The following C16orf74 variants were observed in gnomAD, a reference collection of about 807,000 sequenced individuals.
C16orf74 encodes calcimembrin.
A neutral mutation model predicts 6.5 loss-of-function variants in C16orf74; 10 were observed. The ratio of observed to expected loss-of-function variants is 1.54; its 90% CI spans 0.95 to 2.61. C16orf74 has a LOEUF of 2.61. Ranked by LOEUF, C16orf74 falls within the 30% of genes most tolerant of loss-of-function variation. C16orf74 has a pLI of 0.00. For synonymous variants in C16orf74, 60 were observed against 42.5 expected (o/e 1.41, Z -1.60); for missense variants, 141 against 105.9 (o/e 1.33, Z -1.45).
intron 2 of C16orf74, among the ~76,000 whole-genome samples, chr16:85,718,504 C>T (rs975085685): frequency 1.3e-5 from 2 of 152,190 alleles, no homozygotes; most frequent in African/African-American, 2.4e-5. Context: ...ATGCGATGGA[C>T]GGCCAGACGG....
chr16:85,729,753 G>C (rs2054169045), intron 2 of C16orf74, among the ~76,000 whole-genome samples: 1 of 152,204 alleles, frequency 6.6e-6, no homozygotes, highest in African/African-American at 2.4e-5. Flanking sequence ...AACATGAAGA[G>C]AGGAAGGCCA....
At chr16:85,722,979 A>G (rs2054097640) in intron 2 of C16orf74, among the ~76,000 whole-genome samples, 3 of 152,196 alleles carry the variant, frequency 2.0e-5, no homozygotes, top group Admixed American at 2.0e-4. Flanking sequence ...AAGATCACAC[A>G]GCTAATTTCA....
Position 85,707,817 on chromosome 16 carries a change from G to A in C16orf74, c.*191C>T. The A allele has an allele frequency of 1.7e-6, 1 of 594,266 alleles. No individual in the cohort carries two copies. Among genetic ancestry groups the A allele is most frequent in the Non-Finnish European group, 3.0e-6 (1 of 334,424 alleles). 36.8% of individuals were successfully genotyped at this position (594,266 alleles called of 1,614,324 possible). Reference sequence around the variant, plus strand: ...GGTCCGGTCCACTCAGCGGGGCCTGGGAAACACTGTTCTGGAAGTGGACAG... The same window carrying A: ...GGTCCGGTCCACTCAGCGGGGCCTGAGAAACACTGTTCTGGAAGTGGACAG... On this transcript the variant is annotated 3_prime_UTR_variant, in exon 4 of 4. Transcript: ENST00000284245.
chr16:85,737,658 C>A (rs930230566), intron 1 of C16orf74, among the ~76,000 whole-genome samples: 1 of 152,142 alleles, frequency 6.6e-6, no homozygotes, highest in African/African-American at 2.4e-5. Context: ...GGTGAAACCC[C>A]ATCGCTACTA....
intron 1 of C16orf74, among the ~76,000 whole-genome samples, chr16:85,742,610 C>T (rs75020858): frequency 0.18 from 27,369 of 152,024 alleles, 2,806 homozygotes; most frequent in Middle Eastern, 0.3. Context: ...GGTGCGATCT[C>T]GGCTCACTGC....
intron 2 of C16orf74, among the ~76,000 whole-genome samples, chr16:85,729,598 T>G (rs1323910657): frequency 6.6e-6 from 1 of 152,198 alleles, no homozygotes; most frequent in South Asian, 2.1e-4. Context: ...CCTCAGAATA[T>G]GACCTTATTT....
At chr16:85,724,635 AATGACGGGG>A (rs1266428837) in intron 2 of C16orf74, among the ~76,000 whole-genome samples, 4 of 152,166 alleles carry the variant, frequency 2.6e-5, no homozygotes, top group East Asian at 3.9e-4. Context: ...GGATGATGGG[AATGACGGGG>A]ATGACGGGGA....
chr16:85,728,929 T>C (rs1037600933), intron 2 of C16orf74, among the ~76,000 whole-genome samples: 6 of 152,174 alleles, frequency 3.9e-5, no homozygotes, highest in Non-Finnish European at 7.4e-5. Context: ...GGAGGATGTG[T>C]TGAAAACCCT....
intron 1 of C16orf74, among the ~76,000 whole-genome samples, chr16:85,749,908 C>T (rs938839459): frequency 1.3e-5 from 2 of 152,220 alleles, no homozygotes; most frequent in South Asian, 4.1e-4. Context: ...CATAAATACA[C>T]GGCCTCCTCC....
At chr16:85,735,641 G>C (rs1379206377) in intron 1 of C16orf74, among the ~76,000 whole-genome samples, 3 of 151,928 alleles carry the variant, frequency 2.0e-5, no homozygotes, top group African/African-American at 7.3e-5. Flanking sequence ...GGGCTCGGGG[G>C]TGGCCCAGAG....
chr16:85,717,849 T>C (rs1029076057), intron 2 of C16orf74, among the ~76,000 whole-genome samples: 10 of 152,178 alleles, frequency 6.6e-5, no homozygotes, highest in African/African-American at 1.7e-4. Context: ...GCCCTCACCA[T>C]TGCTGGGATC....
intron 2 of C16orf74, among the ~76,000 whole-genome samples, chr16:85,719,727 C>T (rs113301821): frequency 7.8e-4 from 119 of 152,140 alleles, no homozygotes; most frequent in South Asian, 3.9e-3. Context: ...AATCAGAAAG[C>T]GGCAGGAGAG....
chr16:85,708,121 C>G, intron 3 of C16orf74, 55 bp from the exon 4 acceptor site: 1 of 1,446,352 alleles, frequency 6.9e-7, no homozygotes, highest in Non-Finnish European at 9.5e-7. Flanking sequence ...CCACACCAAG[C>G]CCCGTTTCCC....
intron 2 of C16orf74, among the ~76,000 whole-genome samples, chr16:85,730,002 C>T (rs2054171684): frequency 6.6e-6 from 1 of 152,194 alleles, no homozygotes; most frequent in African/African-American, 2.4e-5. Context: ...GGGCAGATCC[C>T]ATCCCAGCCA....
At chr16:85,719,733 G>C (rs1036204954) in intron 2 of C16orf74, among the ~76,000 whole-genome samples, 6 of 152,168 alleles carry the variant, frequency 3.9e-5, no homozygotes, top group African/African-American at 4.8e-5. Context: ...AAAGCGGCAG[G>C]AGAGATTCCC....
Position 85,735,070 on chromosome 16 carries a change from T to C in C16orf74, c.28+120A>G, listed in dbSNP as rs16939642. ...GCACCTGCTGTGTACAGGACTGCTT[T>C]AAGGGATGGTGCCCTGCTCCCTCTG... is the stretch of plus-strand genomic sequence containing the variant. On this transcript the variant is annotated intron_variant, in intron 2 of 3. Coordinates refer to ENST00000284245, the MANE Select transcript of C16orf74 (RefSeq NM_206967.3). 4,137 of 784,456 alleles carry C rather than the reference T, an allele frequency of 5.3e-3. 141 individuals carry two copies. In the African/African-American group the frequency reaches 0.069, roughly 13 times the overall value. 48.6% of individuals were successfully genotyped at this position (784,456 alleles called of 1,614,324 possible).
chr16:85,750,329 C>G (rs1391332436), intron 1 of C16orf74, among the ~76,000 whole-genome samples: 1 of 152,016 alleles, frequency 6.6e-6, no homozygotes, highest in Non-Finnish European at 1.5e-5. Context: ...CTGGGGGGAG[C>G]TGCGGGTGCC....
chr16:85,745,252 G>T (rs919687574), intron 1 of C16orf74, among the ~76,000 whole-genome samples: 3 of 151,538 alleles, frequency 2.0e-5, no homozygotes, highest in Non-Finnish European at 2.9e-5. Flanking sequence ...TTCCTCGGCA[G>T]AGGTCCACCC....
At chr16:85,710,552 T>C (rs2053959521) in intron 2 of C16orf74, 1 of 471,242 alleles carries the variant, frequency 2.1e-6, no homozygotes, top group East Asian at 4.0e-5. Context: ...ATGCTGATCA[T>C]AGGCTAGTTG....
Sources: allele counts gnomAD v4.1 joint callset (sites outside exome capture counted in the v4.1 genomes callset), GRCh38; gene constraint gnomAD v4.1.1; transcripts MANE v1.5; gene names NCBI Gene and HGNC (gene_info 2026-07-23, HGNC 2026-07-21).